Variants in ZKSCAN7 observed in about 807,000 individuals in gnomAD.
ZKSCAN7 encodes zinc finger with KRAB and SCAN domains 7, also known as zinc finger protein with KRAB and SCAN domains 7.
A neutral mutation model predicts 65.3 loss-of-function variants in ZKSCAN7; 38 were observed. That is an observed-to-expected ratio of 0.58 (90% CI 0.45 to 0.76). ZKSCAN7 has a LOEUF of 0.76. Ranked by LOEUF, ZKSCAN7 falls within the 30% of genes least tolerant of loss-of-function variation. The pLI, the probability that ZKSCAN7 is intolerant of heterozygous loss-of-function variation, is 0.00. For synonymous variants in ZKSCAN7, 321 were observed against 321.0 expected, an observed-to-expected ratio of 1.00 and a Z score of 0.00; for missense variants, 815 against 913.3, an observed-to-expected ratio of 0.89 and a Z score of 1.39.
At chr3:44,562,021 C>T (rs1210663433) in intron 2 of ZKSCAN7, among the ~76,000 whole-genome samples, 1 of 152,250 alleles carries the variant, frequency 6.6e-6, no homozygotes, top group African/African-American at 2.4e-5. Flanking sequence ...TGTGTGGGGG[C>T]TCCAACCTTG....
rs1453965340 is a variant in ZKSCAN7, at chr3:44,571,453, C to T, written c.*78C>T. On this transcript the variant is annotated 3_prime_UTR_variant, in exon 6 of 6. Coordinates refer to ENST00000426540, the MANE Select transcript of ZKSCAN7 (RefSeq NM_001288590.2). ...TAAGCAGGATGCTCATAGTGGTTTC[C>T]CGGAGCCAGTAGTCACGGTGGACCA... 1.1e-5 allele frequency: 17 copies of T among 1,600,970 alleles called. No homozygotes were observed. The highest frequency in any genetic ancestry group is 1.4e-5 in the Non-Finnish European group (16 of 1,179,616).
At chr3:44,566,330 A>G (rs1324893860) in intron 3 of ZKSCAN7, among the ~76,000 whole-genome samples, 1 of 152,164 alleles carries the variant, frequency 6.6e-6, no homozygotes, top group African/African-American at 2.4e-5. Flanking sequence ...GTCAGAGGAT[A>G]ATGTGTTAGA....
At chr3:44,569,793 G>C in intron 5 of ZKSCAN7, 129 bp from the exon 6 acceptor site, 1 of 1,376,298 alleles carries the variant, frequency 7.3e-7, no homozygotes, top group Non-Finnish European at 9.4e-7. Context: ...TTTTGCTCTT[G>C]TTCTCAATGT....
intron 5 of ZKSCAN7, chr3:44,580,563 T>C (rs1040832816): frequency 8.9e-5 from 143 of 1,613,840 alleles, no homozygotes; most frequent in Non-Finnish European, 1.2e-4. Context: ...CTTCTTCTGA[T>C]TCTGCTTGTT....
At chr3:44,565,023 G>A (rs778049391) in intron 2 of ZKSCAN7, among the ~76,000 whole-genome samples, 5 of 152,056 alleles carry the variant, frequency 3.3e-5, no homozygotes, top group Admixed American at 6.5e-5. Flanking sequence ...GGCTGGTCTC[G>A]AACTCCTGAC....
Position 44,570,626 on chromosome 3 carries a change from C to A in ZKSCAN7, c.1516C>A (p.Arg506=). 6.2e-7 allele frequency: 1 copy of A among 1,613,952 alleles called. No individual in the cohort carries two copies. The change falls in exon 6 of 6, where the codon CGA becomes AGA. Residue 506 remains arginine, a synonymous_variant. Coordinates refer to ENST00000426540, the MANE Select transcript of ZKSCAN7 (RefSeq NM_001288590.2). ...CAATGAGTGTGGAGAGGCATTCATT[C>A]GAAGCAAAAGTCTTGCTCGACATCA... ...ECNECGEAFI[R]SKSLARHQVL...
Position 44,568,022 on chromosome 3 carries a change from G to C in ZKSCAN7, c.684+19G>C. 5 of 1,268,450 alleles carry C rather than the reference G, an allele frequency of 3.9e-6. No homozygotes were observed. The South Asian group carries it at 7.0e-5, about 18-fold the overall frequency. 78.6% of individuals were successfully genotyped at this position (1,268,450 alleles called of 1,614,324 possible). On this transcript the variant is annotated intron_variant, in intron 4 of 5. Transcript: ENST00000426540. ...GCCCCAGGTGAGCTTGGTTCTTTGT[G>C]TTTTTACCAAGTCCCCATGAGTCTG...
In ZKSCAN7 at chr3:44,571,687, CAG is replaced by C. The variant is rs879785424; in HGVS notation, c.*316_*317del. ...AATCAGACTCCATGCTTTTTAAAGACAGAGATAATATCTTCTCTATTCTATTC... is the reference window on the plus strand; with the variant it reads ...AATCAGACTCCATGCTTTTTAAAGACAGATAATATCTTCTCTATTCTATTC... On this transcript the variant is annotated 3_prime_UTR_variant, in exon 6 of 6. Coordinates refer to ENST00000426540, the MANE Select transcript of ZKSCAN7 (RefSeq NM_001288590.2). The C allele has an allele frequency of 8.4e-7, 1 of 1,186,538 alleles. No homozygotes were observed. Among genetic ancestry groups the C allele is most frequent in the Non-Finnish European group, 1.0e-6 (1 of 953,434 alleles). The allele number at this position is 1,186,538 out of a possible 1,614,324, so 73.5% of individuals were successfully genotyped here. A position where few individuals can be genotyped will look rare whatever the true frequency, so the allele number is the denominator to read the frequency against.
chr3:44,568,548 A>T (rs1699701466), intron 5 of ZKSCAN7, 115 bp downstream of exon 5: 9 of 1,460,614 alleles, frequency 6.2e-6, no homozygotes, highest in Non-Finnish European at 7.4e-6. Flanking sequence ...GTTAAACTAG[A>T]GTGAATAATA....
At chr3:44,556,805 T>C (rs1699307293) in intron 1 of ZKSCAN7, 125 bp from the exon 2 acceptor site, 2 of 576,330 alleles carry the variant, frequency 3.5e-6, no homozygotes, top group Non-Finnish European at 6.1e-6. Context: ...TTTGGAGAGA[T>C]GCTTACTAAG....
At chr3:44,579,449 C>T (rs11707572) in intron 5 of ZKSCAN7, among the ~76,000 whole-genome samples, 41,782 of 152,110 alleles carry the variant, frequency 0.27, 6,266 homozygotes, top group Non-Finnish European at 0.32. Context: ...CCACGTGCGG[C>T]TCCTCTTCTG....
Position 44,557,246 on chromosome 3 carries a change from G to A in ZKSCAN7, c.199G>A (p.Gly67Arg), listed in dbSNP as rs1016401118. Residue 67 changes from glycine (G) to arginine (R), a missense_variant, in exon 2 of 6, where the codon GGG becomes AGG. Physicochemically the swap from Gly to Arg is moderately radical, Grantham distance 125. This residue lies in a region of ZKSCAN7 where 227 missense variants were observed against 253.3 expected (regional missense o/e 0.90). Transcript: ENST00000426540. ...FRQLCYHEMS[G>R]PQEALSRLRE... Reference sequence around the variant, plus strand: ...GCAATTGTGTTACCACGAGATGTCTGGGCCGCAGGAAGCATTGAGCCGGCT... The same window carrying A: ...GCAATTGTGTTACCACGAGATGTCTAGGCCGCAGGAAGCATTGAGCCGGCT... 3 of 1,614,166 alleles carry A rather than the reference G, an allele frequency of 1.9e-6. No individual in the cohort carries two copies. The African/African-American group carries it at 4.0e-5, about 22-fold the overall frequency.
chr3:44,572,431 T>C (rs187375467), downstream of ZKSCAN7, among the ~76,000 whole-genome samples: 3 of 152,022 alleles, frequency 2.0e-5, no homozygotes, highest in African/African-American at 4.8e-5. Context: ...TGTGTATGTG[T>C]GTGAATGTGT....
chr3:44,575,962 T>G (rs1699914820), downstream of ZKSCAN7, among the ~76,000 whole-genome samples: 1 of 152,200 alleles, frequency 6.6e-6, no homozygotes, highest in Non-Finnish European at 1.5e-5. Flanking sequence ...ATTTGGAAGT[T>G]TTTTTTCTTT....
At chr3:44,580,290 G>T (rs1190273452) in intron 5 of ZKSCAN7, 1 of 1,613,858 alleles carries the variant, frequency 6.2e-7, no homozygotes, top group Non-Finnish European at 8.5e-7. Flanking sequence ...GCTACTCATG[G>T]CGCTCTCCTC....
downstream of ZKSCAN7, among the ~76,000 whole-genome samples, chr3:44,572,595 A>G (rs1298143181): frequency 1.3e-5 from 2 of 152,086 alleles, no homozygotes; most frequent in African/African-American, 4.8e-5. Context: ...CACGCCTGTA[A>G]TCCCAGGACT....
intron 1 of ZKSCAN7, among the ~76,000 whole-genome samples, chr3:44,556,017 T>C (rs1183965517): frequency 6.6e-6 from 1 of 152,174 alleles, no homozygotes; most frequent in Non-Finnish European, 1.5e-5. Flanking sequence ...CCACAAACGA[T>C]TACAGTGTGA....
chr3:44,563,563 C>T (rs2125714390), intron 2 of ZKSCAN7, among the ~76,000 whole-genome samples: 1 of 152,178 alleles, frequency 6.6e-6, no homozygotes, highest in South Asian at 2.1e-4. Context: ...AGAGAGAGCA[C>T]ACAGAGGAAA....
chr3:44,582,933 T>C, intron 5 of ZKSCAN7: 1 of 426,216 alleles, frequency 2.3e-6, no homozygotes, highest in South Asian at 1.7e-5. Flanking sequence ...TGTGTGTGTG[T>C]GTGTGTGTGT....
Sources: allele counts gnomAD v4.1 joint callset (sites outside exome capture counted in the v4.1 genomes callset), GRCh38; gene constraint gnomAD v4.1.1; regional missense constraint gnomAD v4.1.1; transcripts MANE v1.5; gene names NCBI Gene and HGNC (gene_info 2026-07-23, HGNC 2026-07-21).